CPE: variants seen among roughly 807,000 people sequenced by gnomAD.
CPE encodes carbocypeptidase E.
In CPE, 17 loss-of-function variants were observed where a neutral mutation model predicts 53.5. That is an observed-to-expected ratio of 0.32 (90% CI 0.22 to 0.48). The LOEUF is 0.48. Among genes scored for constraint, CPE ranks in the 20% least tolerant of loss-of-function variants. The pLI, the probability that CPE is intolerant of heterozygous loss-of-function variation, is 0.99. For synonymous variants in CPE, 226 were observed against 228.8 expected (o/e 0.99, Z 0.11); for missense variants, 524 against 614.7 (o/e 0.85, Z 1.56).
intron 1 of CPE, among the ~76,000 whole-genome samples, chr4:165,402,014 A>G (rs944243504): frequency 6.6e-6 from 1 of 152,244 alleles, no homozygotes; most frequent in Non-Finnish European, 1.5e-5. Context: ...AATTAGGGAA[A>G]GGTGATAAAT....
At chr4:165,443,919 T>A (rs1731658405) in intron 1 of CPE, among the ~76,000 whole-genome samples, 1 of 152,120 alleles carries the variant, frequency 6.6e-6, no homozygotes, top group South Asian at 2.1e-4. Context: ...GAGAGTTGCC[T>A]TTTCCATCAC....
intron 1 of CPE, among the ~76,000 whole-genome samples, chr4:165,414,120 G>A (rs1731085100): frequency 6.6e-6 from 1 of 152,056 alleles, no homozygotes; most frequent in Admixed American, 6.5e-5. Context: ...AATCCATGAA[G>A]GATCTAGAAC....
chr4:165,423,912 C>T (rs369602629), intron 1 of CPE, among the ~76,000 whole-genome samples: 139 of 149,184 alleles, frequency 9.3e-4, no homozygotes, highest in African/African-American at 3.3e-3. Flanking sequence ...TTTGTTCTTG[C>T]GATAGTTTAC....
At chr4:165,463,331 A>T (rs923264113) in intron 1 of CPE, among the ~76,000 whole-genome samples, 7 of 152,340 alleles carry the variant, frequency 4.6e-5, no homozygotes, top group Non-Finnish European at 8.8e-5. Flanking sequence ...AAATTATAGG[A>T]AACATATAGC....
chr4:165,433,498 C>T (rs371592496), intron 1 of CPE, among the ~76,000 whole-genome samples: 39 of 152,198 alleles, frequency 2.6e-4, no homozygotes, highest in African/African-American at 8.4e-4. Flanking sequence ...CCTCTCAGCC[C>T]CTCCAATTCA....
At chr4:165,462,123 T>C (rs1283035830) in intron 1 of CPE, among the ~76,000 whole-genome samples, 1 of 152,194 alleles carries the variant, frequency 6.6e-6, no homozygotes, top group Non-Finnish European at 1.5e-5. Context: ...AGAAACCATG[T>C]CATACATTTT....
chr4:165,489,575 C>T (rs1732565495), intron 6 of CPE, among the ~76,000 whole-genome samples: 1 of 152,164 alleles, frequency 6.6e-6, no homozygotes, highest in African/African-American at 2.4e-5. Flanking sequence ...TTGGAAAAGG[C>T]TTCTTGGAGC....
At chr4:165,424,544 A>ATTT (rs147473300) in intron 1 of CPE, among the ~76,000 whole-genome samples, 3 of 151,092 alleles carry the variant, frequency 2.0e-5, no homozygotes, top group Admixed American at 6.6e-5. Context: ...GTATTTATTT[A>ATTT]TTTTTTTGAG....
chr4:165,417,897 A>G (rs1304092959), intron 1 of CPE, among the ~76,000 whole-genome samples: 1 of 151,882 alleles, frequency 6.6e-6, no homozygotes, highest in Non-Finnish European at 1.5e-5. Flanking sequence ...TTTTCTATTC[A>G]GTATTAACAA....
At chr4:165,470,664 C>T (rs1010205940) in intron 3 of CPE, among the ~76,000 whole-genome samples, 5 of 152,116 alleles carry the variant, frequency 3.3e-5, no homozygotes, top group African/African-American at 1.2e-4. Context: ...CCTGACATTC[C>T]TGGTGGTTGG....
chr4:165,404,452 G>A, intron 1 of CPE: 1 of 769,322 alleles, frequency 1.3e-6, no homozygotes, highest in Non-Finnish European at 2.4e-6. Context: ...AGATGGAAAA[G>A]CCCTTCCCAG....
At chr4:165,446,962 C>A (rs983604562) in intron 1 of CPE, among the ~76,000 whole-genome samples, 1 of 152,160 alleles carries the variant, frequency 6.6e-6, no homozygotes, top group Non-Finnish European at 1.5e-5. Flanking sequence ...TATGGTAGAG[C>A]CTACTACACA....
intron 1 of CPE, among the ~76,000 whole-genome samples, chr4:165,451,078 T>C (rs1282771010): frequency 6.6e-6 from 1 of 152,220 alleles, no homozygotes; most frequent in Non-Finnish European, 1.5e-5. Context: ...AGCTACAGGC[T>C]CTCAGGCCCC....
intron 1 of CPE, among the ~76,000 whole-genome samples, chr4:165,452,347 T>C (rs908877117): frequency 6.6e-6 from 1 of 152,206 alleles, no homozygotes; most frequent in African/African-American, 2.4e-5. Context: ...ATATCCTAGT[T>C]ACCCAAATTC....
intron 1 of CPE, among the ~76,000 whole-genome samples, chr4:165,458,129 G>C (rs1222347538): frequency 6.6e-6 from 1 of 152,158 alleles, no homozygotes; most frequent in African/African-American, 2.4e-5. Flanking sequence ...ACTGAGGGAG[G>C]ATCATTGATG....
intron 1 of CPE, among the ~76,000 whole-genome samples, chr4:165,391,532 GA>G (rs992750120): frequency 5.3e-5 from 8 of 151,988 alleles, no homozygotes; most frequent in African/African-American, 1.9e-4. Flanking sequence ...AGATCACTGA[GA>G]AAAAACAAAG....
chr4:165,446,462 T>G lies in CPE; in HGVS notation c.308-17928T>G, dbSNP rs542518041. ...TAAATGTATGAAAAATGTTTAACTT[T>G]TTAAATAAAAGAAATACAAATTAGA... On this transcript the variant is annotated intron_variant, in intron 1 of 8. Transcript: ENST00000402744. Among the ~76,000 whole-genome samples the G allele has an allele frequency of 8.1e-4, 124 of 152,330 alleles. 1 individual carries two copies. The highest frequency in any genetic ancestry group is 2.8e-3 in the African/African-American group (116 of 41,574).
chr4:165,405,029 C>T, intron 1 of CPE: 1 of 729,678 alleles, frequency 1.4e-6, no homozygotes, highest in Non-Finnish European at 2.5e-6. Context: ...GGACAGCATC[C>T]ATCACCATGT....
rs149760126 is a variant in CPE, at chr4:165,467,968, G to A, written c.672+113G>A. ...GTAACATCACAGCTTGTATGGGGTG[G>A]TTAACTGTGGCTTTAAGTCAAGGCT... On this transcript the variant is annotated intron_variant, in intron 3 of 8. Coordinates refer to ENST00000402744, the MANE Select transcript of CPE (RefSeq NM_001873.4). The A allele has an allele frequency of 1.0e-3, 1,251 of 1,195,460 alleles. 10 individuals are homozygous for A. In the African/African-American group the frequency reaches 0.017, roughly 17 times the overall value. The allele number at this position is 1,195,460 out of a possible 1,614,324, so 74.1% of individuals were successfully genotyped here.
Sources: gnomAD v4.1 joint callset for allele counts (sites outside exome capture counted in the v4.1 genomes callset) on GRCh38, gnomAD v4.1.1 for gene constraint, MANE v1.5 for transcripts, NCBI Gene and HGNC (gene_info 2026-07-23, HGNC 2026-07-21) for gene names.